The following PRAM1 variants were observed in gnomAD, a reference collection of about 807,000 sequenced individuals.
PRAM1 encodes PML-RARA-regulated adapter molecule 1.
In PRAM1, 41 loss-of-function variants were observed where a neutral mutation model predicts 55.3. The observed-to-expected ratio is 0.74, with a 90% CI of 0.58 to 0.96. The LOEUF (loss-of-function observed/expected upper bound fraction) is 0.96, where lower values mean the gene tolerates loss of function less well. PRAM1 is among the 40% of genes least tolerant of loss of function. The pLI is 0.00. For synonymous variants in PRAM1, 401 were observed against 387.1 expected, an observed-to-expected ratio of 1.04 and a Z score of -0.42; for missense variants, 898 against 892.7, an observed-to-expected ratio of 1.01 and a Z score of -0.08.
Position 8,490,827 on chromosome 19 carries a change from G to A in PRAM1, c.1743+60C>T, listed in dbSNP as rs1465007319. 1.2e-5 allele frequency: 20 copies of A among 1,608,164 alleles called. No homozygotes were observed. Among genetic ancestry groups the A allele is most frequent in the Non-Finnish European group, 1.6e-5 (19 of 1,178,928 alleles). The stretch of plus-strand genomic sequence containing the variant: ...GGCCCCTGTCTTCTTTCTGAGCCTG[G>A]GATCGGTGGGACCCTGGTCTCCGCC... On this transcript the variant is annotated intron_variant, in intron 6 of 9. Transcript: ENST00000423345. The surrounding 1 kb of genome is among the most constrained non-coding windows in gnomAD (Gnocchi z 7.3).
In PRAM1 at chr19:8,499,184, C is replaced by T. The variant is rs1971758840; in HGVS notation, c.624G>A (p.Glu208=). 2 of 1,613,796 alleles carry T rather than the reference C, an allele frequency of 1.2e-6. No homozygotes were observed. Among genetic ancestry groups the T allele is most frequent in the Non-Finnish European group, 1.7e-6 (2 of 1,179,868 alleles). Residue 208 remains glutamate, a synonymous_variant, in exon 2 of 10, where the codon GAG becomes GAA. Transcript: ENST00000423345. ...GEATPRSPQP[E]LSTFPKKPAQ... ...CAGGCTTCTTGGGAAAGGTACTCAA[C>T]TCAGGCTGCGGGGACCTCGGGGTAG...
In PRAM1 at chr19:8,497,744, C is replaced by T. The variant is rs770084682; in HGVS notation, c.1576+20G>A. ...TTGCCCCGAATGTTTTGCAGGGACTCGGGCAGGCCACCAACAAACCTCTGC... is the reference window on the plus strand; with the variant it reads ...TTGCCCCGAATGTTTTGCAGGGACTTGGGCAGGCCACCAACAAACCTCTGC... On this transcript the variant is annotated intron_variant, in intron 4 of 9. Transcript: ENST00000423345. The T allele has an allele frequency of 1.5e-5, 24 of 1,591,068 alleles. No individual in the cohort carries two copies. The South Asian group carries it at 1.9e-4, about 13-fold the overall frequency.
intron 1 of PRAM1, among the ~76,000 whole-genome samples, chr19:8,500,256 AGCC>A (rs1344357297): frequency 1.4e-5 from 2 of 143,330 alleles, no homozygotes; most frequent in African/African-American, 5.2e-5. Context: ...TACAGGCTTG[AGCC>A]GCCGCGCCCA....
At position 8,499,715 on chromosome 19, in the gene PRAM1, G is replaced by A; in HGVS notation, c.93C>T (p.Asp31=). Residue 31 remains aspartate, a synonymous_variant, in exon 2 of 10, where the codon GAC becomes GAT. Transcript: ENST00000423345. ...CAGGCTTCGGAGGTTTTTTGGGCAG[G>A]TCGCTGGGCTCCGGCTGAGAGGCCT... ...KFQASQPEPS[D]LPKKPPKPEF... is the part of the protein sequence containing the mutation. The A allele has an allele frequency of 1.2e-6, 2 of 1,613,784 alleles. No individual in the cohort carries two copies. The highest frequency in any genetic ancestry group is 1.7e-6 in the Non-Finnish European group (2 of 1,179,790).
At chr19:8,502,504 T>C (rs1388949155) in intron 1 of PRAM1, 61 bp downstream of exon 1, 13 of 775,664 alleles carry the variant, frequency 1.7e-5, no homozygotes, top group East Asian at 1.3e-4. Flanking sequence ...CCTATCCTTC[T>C]GGGAACATCT....
intron 4 of PRAM1, chr19:8,491,595 G>A (rs1337402760): frequency 1.4e-5 from 3 of 215,976 alleles, no homozygotes; most frequent in Non-Finnish European, 2.8e-5. Flanking sequence ...AATCCCACCA[G>A]GTCCCCTCCC....
rs757679567 is a variant in PRAM1 at position 8,499,048 on chromosome 19, G to A, written c.760C>T (p.Leu254Phe). The A allele has an allele frequency of 2.5e-6, 4 of 1,613,822 alleles. No homozygotes were observed. The South Asian group carries it at 3.3e-5, about 13-fold the overall frequency. The change falls in exon 2 of 10, where the codon CTC becomes TTC. Residue 254 changes from leucine to phenylalanine, a missense_variant. Physicochemically the swap from Leu to Phe is conservative, Grantham distance 22 (BLOSUM62 0). Around this residue, in one of 4 missense-constraint regions of PRAM1, gnomAD observed 787 missense variants for 735.4 expected, o/e 1.07. Coordinates refer to ENST00000423345, the MANE Select transcript of PRAM1 (RefSeq NM_032152.5). ...GGCTCGCTGGACTGAGGCTTCCAGA[G>A]GGGAGTCTGAGCGGCCTCGCTGAAC... is the stretch of plus-strand genomic sequence containing the variant. ...PEFSEAAQTP[L>F]WKPQSSEPKR...
Position 8,498,298 on chromosome 19 carries a change from TAG to T in PRAM1, c.1433-11_1433-10del. 3 of 1,610,338 alleles carry T rather than the reference TAG, an allele frequency of 1.9e-6. No individual in the cohort carries two copies. Among genetic ancestry groups the T allele is most frequent in the Non-Finnish European group, 2.5e-6 (3 of 1,178,928 alleles). On this transcript the variant is annotated splice_polypyrimidine_tract_variant and intron_variant, in intron 2 of 9. Coordinates refer to ENST00000423345, the MANE Select transcript of PRAM1 (RefSeq NM_032152.5). ...GCGGGTCCTCCGTAGATCTGTGGGG[TAG>T]AGAGTAGGGCAGGGAAGCCGGCACT...
chr19:8,495,065 G>C (rs369271238), intron 4 of PRAM1, among the ~76,000 whole-genome samples: 1 of 151,478 alleles, frequency 6.6e-6, no homozygotes, highest in African/African-American at 2.4e-5. Context: ...TCAGCCTTCC[G>C]AATAGCTGGG....
At chr19:8,496,700 G>A (rs1971703929) in intron 4 of PRAM1, among the ~76,000 whole-genome samples, 1 of 152,028 alleles carries the variant, frequency 6.6e-6, no homozygotes, top group Non-Finnish European at 1.5e-5. Context: ...ACTCCAGTCT[G>A]GGCAACAGAG....
intron 1 of PRAM1, among the ~76,000 whole-genome samples, chr19:8,500,308 C>T (rs1283178442): frequency 2.6e-5 from 4 of 151,962 alleles, no homozygotes; most frequent in South Asian, 4.2e-4. Flanking sequence ...AAAACACATC[C>T]GGAATCCAAC....
rs1277953170 is a variant in PRAM1, at chr19:8,502,592, G to T, written c.-1C>A. ...TGGCTGCAGGCAGGTGATGGGCCAT[G>T]GGATGAGTGGGACCCGAGCTGGGGC... On this transcript the variant is annotated 5_prime_UTR_variant, in exon 1 of 10. Coordinates refer to ENST00000423345, the MANE Select transcript of PRAM1 (RefSeq NM_032152.5). 6.4e-7 allele frequency: 1 copy of T among 1,550,768 alleles called. No homozygotes were observed. Among genetic ancestry groups the T allele is most frequent in the Non-Finnish European group, 8.7e-7 (1 of 1,148,588 alleles).
intron 3 of PRAM1, 104 bp downstream of exon 3, chr19:8,498,119 A>T (rs1364834553): frequency 8.1e-7 from 1 of 1,230,038 alleles, no homozygotes; most frequent in Admixed American, 2.0e-5. Flanking sequence ...ACTTCAGGAG[A>T]TCCGCCCACT....
In PRAM1 at chr19:8,494,231, G is replaced by A. The variant is rs1044909932; in HGVS notation, c.1577-3074C>T. Among the ~76,000 whole-genome samples the A allele has an allele frequency of 4.6e-5, 7 of 152,210 alleles. No individual in the cohort carries two copies. The East Asian group carries it at 7.7e-4, about 17-fold the overall frequency. On this transcript the variant is annotated intron_variant, in intron 4 of 9. Transcript: ENST00000423345. ...AGGAGAGGCAGATGCTCCTAGCCTC[G>A]GAAGAGGTGGGGGATTCCAGCAGGG... is the stretch of plus-strand genomic sequence containing the variant.
chr19:8,494,338 T>C (rs1171118887), intron 4 of PRAM1, among the ~76,000 whole-genome samples: 2 of 152,226 alleles, frequency 1.3e-5, no homozygotes, highest in East Asian at 3.9e-4. Flanking sequence ...TCCCCAACGG[T>C]GGCCCCCAGA....
At position 8,490,463 on chromosome 19, in the gene PRAM1, G is replaced by T. The variant is rs373507378; in HGVS notation, c.1940+13C>A. 1 of 1,613,112 alleles carries T rather than the reference G, an allele frequency of 6.2e-7. No individual in the cohort carries two copies. The highest frequency in any genetic ancestry group is 1.1e-5 in the South Asian group (1 of 90,974). ...CCCCGCACTCCCCCACCACGGTCAGGGCTGGCACTCACAGGGGCAGGAGCG... is the reference window on the plus strand; with the variant it reads ...CCCCGCACTCCCCCACCACGGTCAGTGCTGGCACTCACAGGGGCAGGAGCG... On this transcript the variant is annotated intron_variant, in intron 8 of 9. Transcript: ENST00000423345. The surrounding 1 kb of genome is among the most constrained non-coding windows in gnomAD (Gnocchi z 7.3).
chr19:8,495,603 A>G (rs2145789346), intron 4 of PRAM1, among the ~76,000 whole-genome samples: 1 of 152,250 alleles, frequency 6.6e-6, no homozygotes, highest in South Asian at 2.1e-4. Context: ...TTGGGAGTGG[A>G]GGGTACGGAT....
intron 4 of PRAM1, among the ~76,000 whole-genome samples, chr19:8,496,814 G>A (rs1971705341): frequency 6.6e-6 from 1 of 151,978 alleles, no homozygotes; most frequent in South Asian, 2.1e-4. Flanking sequence ...AAGGCAGGTG[G>A]ATCACGAGGT....
At position 8,498,765 on chromosome 19, in the gene PRAM1, G is replaced by T. The variant is rs765879141; in HGVS notation, c.1043C>A (p.Pro348Gln). The T allele has an allele frequency of 6.4e-6, 10 of 1,572,722 alleles. No individual in the cohort carries two copies. The East Asian group carries it at 1.9e-4, about 30-fold the overall frequency. Residue 348 changes from proline to glutamine, a missense_variant, in exon 2 of 10, where the codon CCG becomes CAG. Physicochemically the swap from Pro to Gln is moderately conservative, Grantham distance 76. Transcript: ENST00000423345. ...CTTGCGGGGTGGCCCCCGGCGCTCCGGCTGCAGCAGCTTCCTGGGGAGTGA... is the reference window on the plus strand; with the variant it reads ...CTTGCGGGGTGGCCCCCGGCGCTCCTGCTGCAGCAGCTTCCTGGGGAGTGA... ...FNSLPRKLLQPERRGPPRKFS... is the reference protein window; with the variant it reads ...FNSLPRKLLQQERRGPPRKFS...
Sources: allele counts gnomAD v4.1 joint callset (sites outside exome capture counted in the v4.1 genomes callset), GRCh38; gene constraint gnomAD v4.1.1; regional missense constraint gnomAD v4.1.1; non-coding constraint Gnocchi (gnomAD v3.1); transcripts MANE v1.5; gene names NCBI Gene and HGNC (gene_info 2026-07-23, HGNC 2026-07-21).